Variants in CCDC6 observed in about 807,000 individuals in gnomAD.
CCDC6 encodes coiled-coil domain-containing protein 6.
Under a neutral mutation model 56.6 loss-of-function variants are expected in CCDC6, and 20 were observed. The observed-to-expected ratio is 0.35, with a 90% CI of 0.25 to 0.51. The LOEUF (loss-of-function observed/expected upper bound fraction) is 0.51, where lower values mean the gene tolerates loss of function less well. CCDC6 is among the 20% of genes least tolerant of loss of function. The pLI, the probability that CCDC6 is intolerant of heterozygous loss-of-function variation, is 0.95. For synonymous variants in CCDC6, 241 were observed against 234.4 expected (o/e 1.03, Z -0.26); for missense variants, 367 against 601.1 (o/e 0.61, Z 4.07).
At chr10:59,872,285 T>C (rs1038221710) in intron 1 of CCDC6, among the ~76,000 whole-genome samples, 1 of 152,220 alleles carries the variant, frequency 6.6e-6, no homozygotes, top group Non-Finnish European at 1.5e-5. Context: ...GCTTGAACAG[T>C]CTGAGGCTGT....
At chr10:59,835,616 C>G (rs1230474216) in intron 2 of CCDC6, among the ~76,000 whole-genome samples, 2 of 152,202 alleles carry the variant, frequency 1.3e-5, no homozygotes, top group African/African-American at 4.8e-5. Context: ...TTATCATCCC[C>G]CAAAGACAGT....
intron 1 of CCDC6, among the ~76,000 whole-genome samples, chr10:59,880,897 C>T (rs1224831419): frequency 6.6e-6 from 1 of 152,158 alleles, no homozygotes; most frequent in African/African-American, 2.4e-5. Context: ...TGATGTCCTG[C>T]TATCCAGTCT....
chr10:59,794,385 G>T, intron 8 of CCDC6, 88 bp downstream of exon 8: 1 of 1,375,468 alleles, frequency 7.3e-7, no homozygotes, highest in Non-Finnish European at 1.0e-6. Flanking sequence ...AAGGGCAAAT[G>T]TCTAAGGGCA....
At chr10:59,894,430 C>T (rs1288240299) in intron 1 of CCDC6, among the ~76,000 whole-genome samples, 1 of 152,196 alleles carries the variant, frequency 6.6e-6, no homozygotes, top group Non-Finnish European at 1.5e-5. Flanking sequence ...AAGAAATCTC[C>T]TCATTCCAGA....
Position 59,792,624 on chromosome 10 carries a change from T to C in CCDC6, c.*293A>G, listed in dbSNP as rs1036619084. Reference sequence around the variant, plus strand: ...ATGAAGCTCTGGGCCAAGCAAAAATTGCACACTGCTGCTGAAATACCAAAT... The same window carrying C: ...ATGAAGCTCTGGGCCAAGCAAAAATCGCACACTGCTGCTGAAATACCAAAT... On this transcript the variant is annotated 3_prime_UTR_variant, in exon 9 of 9. Transcript: ENST00000263102. 4.3e-6 allele frequency: 3 copies of C among 692,486 alleles called. No individual in the cohort carries two copies. Among genetic ancestry groups the C allele is most frequent in the African/African-American group, 1.7e-5 (1 of 58,092 alleles). The allele number at this position is 692,486 out of a possible 1,614,324, so 42.9% of individuals were successfully genotyped here.
chr10:59,901,815 A>G (rs2071505274), intron 1 of CCDC6, among the ~76,000 whole-genome samples: 1 of 152,066 alleles, frequency 6.6e-6, no homozygotes, highest in Non-Finnish European at 1.5e-5. Context: ...CCACCCCACA[A>G]TAACCCTCAC....
chr10:59,843,165 C>T (rs536306995), intron 2 of CCDC6, among the ~76,000 whole-genome samples: 7 of 152,306 alleles, frequency 4.6e-5, no homozygotes, highest in African/African-American at 1.7e-4. Context: ...GGATTACAGG[C>T]GTGAGCCAAC....
At chr10:59,873,248 G>T (rs1292159581) in intron 1 of CCDC6, among the ~76,000 whole-genome samples, 1 of 152,110 alleles carries the variant, frequency 6.6e-6, no homozygotes, top group Non-Finnish European at 1.5e-5. Flanking sequence ...TTGGAAATAG[G>T]TTCTTTGCAG....
At chr10:59,795,477 AT>A (rs2070507279) in intron 7 of CCDC6, among the ~76,000 whole-genome samples, 1 of 151,158 alleles carries the variant, frequency 6.6e-6, no homozygotes, top group African/African-American at 2.4e-5. Context: ...CATTTTTATT[AT>A]TATTATTATT....
chr10:59,840,263 AC>A (rs1225999784), intron 2 of CCDC6, among the ~76,000 whole-genome samples: 1 of 152,246 alleles, frequency 6.6e-6, no homozygotes, highest in African/African-American at 2.4e-5. Flanking sequence ...TTAATTAGGT[AC>A]TACCAAATTG....
intron 7 of CCDC6, among the ~76,000 whole-genome samples, chr10:59,802,187 T>C (rs2070582022): frequency 6.6e-6 from 1 of 152,190 alleles, no homozygotes; most frequent in South Asian, 2.1e-4. Context: ...CCAAATATAA[T>C]AAAGATGATG....
intron 2 of CCDC6, among the ~76,000 whole-genome samples, chr10:59,839,471 G>A (rs1386309594): frequency 6.6e-6 from 1 of 152,162 alleles, no homozygotes; most frequent in African/African-American, 2.4e-5. Context: ...ACAACGGTTG[G>A]GGGTGGGGTG....
chr10:59,793,357 G>A (rs2070484841), intron 8 of CCDC6, among the ~76,000 whole-genome samples: 1 of 152,214 alleles, frequency 6.6e-6, no homozygotes, highest in Admixed American at 6.5e-5. Context: ...ACAAACTGCT[G>A]GACTTGGGTC....
chr10:59,810,299 AG>A (rs1253578560), intron 5 of CCDC6, among the ~76,000 whole-genome samples: 1 of 152,230 alleles, frequency 6.6e-6, no homozygotes, highest in Admixed American at 6.5e-5. Flanking sequence ...CAAGCAGCTA[AG>A]TGCCACTGCT....
chr10:59,832,547 G>A lies in CCDC6; in HGVS notation c.560C>T (p.Ser187Phe). 1 of 1,613,410 alleles carries A rather than the reference G, an allele frequency of 6.2e-7. No individual in the cohort carries two copies. Among genetic ancestry groups the A allele is most frequent in the Non-Finnish European group, 8.5e-7 (1 of 1,179,564 alleles). ...TACCTGTTCTAATGTAAGTTGCTTAGAAATGGTGTCATTCTCCAGTTTTTT... is the reference window on the plus strand; with the variant it reads ...TACCTGTTCTAATGTAAGTTGCTTAAAAATGGTGTCATTCTCCAGTTTTTT... ...KIKKLENDTI[S>F]KQLTLEQLRR... Residue 187 changes from serine to phenylalanine, a missense_variant, in exon 3 of 9, where the codon TCT becomes TTT. By Grantham distance (155) the Ser-to-Phe change is radical. Coordinates refer to ENST00000263102, the MANE Select transcript of CCDC6 (RefSeq NM_005436.5).
chr10:59,865,732 G>C (rs1300849933), intron 1 of CCDC6, among the ~76,000 whole-genome samples: 1 of 151,186 alleles, frequency 6.6e-6, no homozygotes, highest in African/African-American at 2.4e-5. Flanking sequence ...CGTGCCTGCA[G>C]CCCCAGCTAC....
intron 1 of CCDC6, among the ~76,000 whole-genome samples, chr10:59,877,202 G>C (rs537878555): frequency 6.6e-6 from 1 of 152,114 alleles, no homozygotes; most frequent in African/African-American, 2.4e-5. Flanking sequence ...GCTCATTCAC[G>C]ATGGCAAAAC....
At chr10:59,869,389 C>CAAAAAAAAAAAAA (rs1167007522) in intron 1 of CCDC6, among the ~76,000 whole-genome samples, 2 of 6,102 alleles carry the variant, frequency 3.3e-4, no homozygotes, top group African/African-American at 9.0e-4. Flanking sequence ...CTTGCTCAGG[C>CAAAAAAAAAAAAA]AAAAAAAAAA....
intron 3 of CCDC6, among the ~76,000 whole-genome samples, chr10:59,829,342 G>A (rs1167447201): frequency 6.6e-6 from 1 of 152,176 alleles, no homozygotes; most frequent in Non-Finnish European, 1.5e-5. Flanking sequence ...TGCAAAGTAT[G>A]GATTATTTTA....
Sources: gnomAD v4.1 joint callset for allele counts (sites outside exome capture counted in the v4.1 genomes callset) on GRCh38, gnomAD v4.1.1 for gene constraint, MANE v1.5 for transcripts, NCBI Gene and HGNC (gene_info 2026-07-23, HGNC 2026-07-21) for gene names.